C10orf67: variants seen among roughly 807,000 people sequenced by gnomAD.
C10orf67 encodes uncharacterized protein C10orf67, mitochondrial.
C10orf67 carries 60 observed loss-of-function variants against 35.6 expected under a neutral mutation model. The observed-to-expected ratio is 1.68, with a 90% CI of 1.37 to 2.09. The LOEUF (loss-of-function observed/expected upper bound fraction) is 2.09. Ranked by LOEUF, C10orf67 falls within the 30% of genes most tolerant of loss-of-function variation. C10orf67 has a pLI of 0.00. For missense variants in C10orf67, 474 were observed against 330.2 expected (o/e 1.44, Z -3.38); for synonymous variants, 167 against 115.8 (o/e 1.44, Z -2.84).
intron 6 of C10orf67, 49 bp from the exon 7 acceptor site, chr10:23,290,007 C>A (rs1016564242): frequency 3.2e-5 from 23 of 713,408 alleles, no homozygotes; most frequent in Non-Finnish European, 5.5e-5. Flanking sequence ...CATGCTTATG[C>A]CCCTGTATTT....
chr10:23,219,127 A>C (rs1195142829), intron 15 of C10orf67, among the ~76,000 whole-genome samples: 1 of 152,224 alleles, frequency 6.6e-6, no homozygotes, highest in African/African-American at 2.4e-5. Flanking sequence ...ATTTTAAATT[A>C]TATCTAATAT....
intron 15 of C10orf67, among the ~76,000 whole-genome samples, chr10:23,222,225 G>A (rs1157735920): frequency 1.3e-5 from 2 of 152,170 alleles, no homozygotes; most frequent in Non-Finnish European, 2.9e-5. Flanking sequence ...GCTGCCTTAT[G>A]TGTCATGTGG....
chr10:23,333,704 A>G lies in C10orf67; in HGVS notation c.207-522T>C, dbSNP rs142427919. 5.3e-5 allele frequency among the ~76,000 whole-genome samples: 8 copies of G among 152,310 alleles called. No individual in the cohort carries two copies. In the East Asian group the frequency reaches 1.5e-3, roughly 29 times the overall value. ...GAGTTTTCCAGAGGCTACAGATTAT[A>G]CAGAAGCAGCTATGAGAATTCAGCT... On this transcript the variant is annotated intron_variant, in intron 1 of 15. Transcript: ENST00000636213.
Position 23,243,656 on chromosome 10 carries a change from C to T in C10orf67, c.1347-3840G>A, listed in dbSNP as rs1279567486. On this transcript the variant is annotated intron_variant, in intron 12 of 15. Coordinates refer to ENST00000636213, the MANE Select transcript of C10orf67 (RefSeq NM_001371909.1). ...GAGCTGAGATCACGCCATTGCACTC[C>T]AGCCTGGGCAACAAGAGCAAAATCT... Among the ~76,000 whole-genome samples, 3 of 149,720 alleles carry T rather than the reference C, an allele frequency of 2.0e-5. No homozygotes were observed. The South Asian group carries it at 6.3e-4, about 32-fold the overall frequency.
In C10orf67 at chr10:23,203,448, C is replaced by G. The variant is rs1284138559; in HGVS notation, c.*725G>C. 2 of 152,204 alleles carry G rather than the reference C, an allele frequency of 1.3e-5. No homozygotes were observed. Among genetic ancestry groups the G allele is most frequent in the Non-Finnish European group, 2.9e-5 (2 of 68,048 alleles). 9.4% of individuals were successfully genotyped at this position (152,204 alleles called of 1,614,324 possible). On this transcript the variant is annotated 3_prime_UTR_variant, in exon 16 of 16. Transcript: ENST00000636213. Reference sequence around the variant, plus strand: ...GTAGAATTCTGTAATCCAGAGCCTACGATTCAGATACAGGCTCTTAACAAG... The same window carrying G: ...GTAGAATTCTGTAATCCAGAGCCTAGGATTCAGATACAGGCTCTTAACAAG...
chr10:23,286,699 C>T (rs1021516895), intron 7 of C10orf67, among the ~76,000 whole-genome samples: 1 of 151,712 alleles, frequency 6.6e-6, no homozygotes, highest in East Asian at 1.9e-4. Flanking sequence ...GGTGATGGTT[C>T]CCTGGTTGGT....
intron 4 of C10orf67, among the ~76,000 whole-genome samples, chr10:23,309,424 A>G (rs1844413794): frequency 6.6e-6 from 1 of 152,194 alleles, no homozygotes; most frequent in African/African-American, 2.4e-5. Context: ...GGGTTGAAAT[A>G]TTACCTATTG....
At chr10:23,334,460 G>A (rs1033098642) in intron 1 of C10orf67, among the ~76,000 whole-genome samples, 8 of 152,230 alleles carry the variant, frequency 5.3e-5, no homozygotes, top group African/African-American at 1.9e-4. Context: ...AAGGCAGAAT[G>A]TCTGTGCTTC....
chr10:23,218,770 T>C (rs969371930), intron 15 of C10orf67, among the ~76,000 whole-genome samples: 1 of 152,168 alleles, frequency 6.6e-6, no homozygotes, highest in African/African-American at 2.4e-5. Context: ...CCTTCTAACA[T>C]TTTTATGGCC....
chr10:23,323,894 AATATATATATATATATATATATATATAT>A lies in C10orf67; in HGVS notation c.328-1385_328-1358del, dbSNP rs137983793. Among the ~76,000 whole-genome samples, 272 of 42,806 alleles carry A rather than the reference AATATATATATATATATATATATATATAT, an allele frequency of 6.4e-3. 29 individuals carry two copies. The highest frequency in any genetic ancestry group is 0.014 in the African/African-American group (201 of 14,620). The allele number at this position is 42,806 out of a possible 152,430, so 28.1% of individuals were successfully genotyped here. On this transcript the variant is annotated intron_variant, in intron 2 of 15. Coordinates refer to ENST00000636213, the MANE Select transcript of C10orf67 (RefSeq NM_001371909.1). ...GGGCAGCAGAGCAAGACTCCGTCTAAATATATATATATATATATATATATATATATATATATATATATATATATATATA... is the reference window on the plus strand; with the variant it reads ...GGGCAGCAGAGCAAGACTCCGTCTAAATATATATATATATATATATATATA...
At chr10:23,298,378 G>C (rs1843961492) in intron 5 of C10orf67, among the ~76,000 whole-genome samples, 1 of 152,146 alleles carries the variant, frequency 6.6e-6, no homozygotes. Context: ...AGGACTCCTA[G>C]AGCTATTCCT....
intron 4 of C10orf67, among the ~76,000 whole-genome samples, chr10:23,314,147 C>CA (rs1199970653): frequency 1.3e-5 from 2 of 151,956 alleles, no homozygotes; most frequent in Admixed American, 1.3e-4. Flanking sequence ...GAGACGGTGC[C>CA]ACTGCACTCC....
chr10:23,283,945 G>C (rs982425086), intron 7 of C10orf67, among the ~76,000 whole-genome samples: 3 of 152,016 alleles, frequency 2.0e-5, no homozygotes, highest in African/African-American at 7.2e-5. Flanking sequence ...GTCTACTGTG[G>C]CAGCAGCTGG....
intron 5 of C10orf67, among the ~76,000 whole-genome samples, chr10:23,295,231 T>C (rs1251702915): frequency 1.3e-5 from 2 of 152,242 alleles, no homozygotes; most frequent in African/African-American, 4.8e-5. Context: ...TGGATGCCAC[T>C]GAAAGCCAGA....
intron 4 of C10orf67, among the ~76,000 whole-genome samples, chr10:23,314,631 A>C (rs1009060449): frequency 1.3e-5 from 2 of 152,078 alleles, no homozygotes; most frequent in Admixed American, 6.6e-5. Flanking sequence ...CTTTGGTCTC[A>C]TCTGAAGCAC....
chr10:23,267,306 A>G, intron 8 of C10orf67, 52 bp from the exon 9 acceptor site: 3 of 661,194 alleles, frequency 4.5e-6, no homozygotes, highest in South Asian at 3.5e-5. Flanking sequence ...AGATTAAAAA[A>G]GACAATTTTC....
intron 12 of C10orf67, among the ~76,000 whole-genome samples, chr10:23,241,110 C>T (rs746149813): frequency 5.3e-5 from 8 of 152,152 alleles, no homozygotes; most frequent in Non-Finnish European, 1.2e-4. Context: ...AACCTAATGG[C>T]GTTATGCTGA....
At chr10:23,235,126 A>T (rs186400961) in intron 13 of C10orf67, among the ~76,000 whole-genome samples, 1 of 152,284 alleles carries the variant, frequency 6.6e-6, no homozygotes, top group East Asian at 1.9e-4. Flanking sequence ...CGATATTGGC[A>T]AAAGGACTGA....
chr10:23,213,389 A>T (rs888528124), intron 15 of C10orf67, among the ~76,000 whole-genome samples: 3 of 152,244 alleles, frequency 2.0e-5, no homozygotes, highest in African/African-American at 7.2e-5. Context: ...TGATAAATAC[A>T]TCATTGAATA....
Sources: gnomAD v4.1 joint callset for allele counts (sites outside exome capture counted in the v4.1 genomes callset) on GRCh38, gnomAD v4.1.1 for gene constraint, MANE v1.5 for transcripts, NCBI Gene and HGNC (gene_info 2026-07-23, HGNC 2026-07-21) for gene names.